BARHL2: variants seen among roughly 807,000 people sequenced by gnomAD.
BARHL2 encodes BarH like homeobox 2.
In BARHL2, 10 loss-of-function variants were observed where a neutral mutation model predicts 27.1. That is an observed-to-expected ratio of 0.37 (90% CI 0.23 to 0.63). The LOEUF (loss-of-function observed/expected upper bound fraction) is 0.63. Ranked by LOEUF, BARHL2 falls within the 20% of genes least tolerant of loss-of-function variation. BARHL2 has a pLI of 0.65. For missense variants in BARHL2, 483 were observed against 533.5 expected (o/e 0.91, Z 0.93); for synonymous variants, 248 against 224.7 (o/e 1.10, Z -0.93).
rs1194316922 is a variant in BARHL2, at chr1:90,716,602, C to T, written c.594G>A (p.Arg198=). Residue 198 remains arginine (R), a synonymous_variant, in exon 1 of 3, where the codon CGG becomes CGA. Coordinates refer to ENST00000370445, the MANE Select transcript of BARHL2 (RefSeq NM_020063.2). ...ATTTGATGTCGCTCTGGGAATCCTCCCGCTTGTCGAGTTTGGTCTTGCTGT... is the reference window on the plus strand; with the variant it reads ...ATTTGATGTCGCTCTGGGAATCCTCTCGCTTGTCGAGTTTGGTCTTGCTGT... ...QEDSKTKLDK[R]EDSQSDIKCH... 1 of 1,614,182 alleles carries T rather than the reference C, an allele frequency of 6.2e-7. No individual in the cohort carries two copies. The highest frequency in any genetic ancestry group is 8.5e-7 in the Non-Finnish European group (1 of 1,180,050).
At chr1:90,716,433 C>A in intron 1 of BARHL2, 138 bp downstream of exon 1, 1 of 879,612 alleles carries the variant, frequency 1.1e-6, no homozygotes, top group South Asian at 1.5e-5. Context: ...CCTTCAGCTG[C>A]AGTCTTTTGA....
rs749212200 is a variant in BARHL2, at chr1:90,712,495, G to A, written c.981C>T (p.Ser327=). ...CAGCGGCAGCCGCCGCCGCCGTAGT[G>A]CTGTCCATGCTGCCCAGCAGGCTTG... ...YHPSLLGSMD[S]TTAAAAAAAM... is the part of the protein sequence containing the mutation. Residue 327 remains serine, a synonymous_variant, in exon 3 of 3, where the codon AGC becomes AGT. Transcript: ENST00000370445. 17 of 1,613,810 alleles carry A rather than the reference G, an allele frequency of 1.1e-5. 1 individual carries two copies. In the South Asian group the frequency reaches 1.2e-4, roughly 11 times the overall value.
intron 2 of BARHL2, 61 bp from the exon 3 acceptor site, chr1:90,712,685 C>T: frequency 6.7e-7 from 1 of 1,482,184 alleles, no homozygotes; most frequent in Non-Finnish European, 9.0e-7. Context: ...GCACCAAGAC[C>T]CGGCCCCTTC....
Position 90,716,956 on chromosome 1 carries a change from G to C in BARHL2, c.240C>G (p.Asp80Glu). Residue 80 changes from aspartate (D) to glutamate (E), a missense_variant, in exon 1 of 3, where the codon GAC (aspartate) becomes GAG (glutamate). Transcript: ENST00000370445. ...MEPPEPHLVA[D>E]ATQHHHHLHH... Reference sequence around the variant, plus strand: ...GGAGGTGGTGATGATGCTGGGTCGCGTCTGCTACCAGATGCGGCTCCGGGG... The same window carrying C: ...GGAGGTGGTGATGATGCTGGGTCGCCTCTGCTACCAGATGCGGCTCCGGGG... 6.2e-7 allele frequency: 1 copy of C among 1,613,242 alleles called. No homozygotes were observed. Among genetic ancestry groups the C allele is most frequent in the Middle Eastern group, 1.7e-4 (1 of 6,058 alleles).
In BARHL2 at chr1:90,712,428, G is replaced by A. The variant is rs757839379; in HGVS notation, c.1048C>T (p.Pro350Ser). 9 of 1,610,534 alleles carry A rather than the reference G, an allele frequency of 5.6e-6. No homozygotes were observed. Among genetic ancestry groups the A allele is most frequent in the South Asian group, 1.1e-5 (1 of 90,520 alleles). ...GGCACCAGGGGCCGCTGCAGCTGGG[G>A]ATGGGGTGCTGGAGGAGTCCGGTAC... ...SMYRTPPAPH[P>S]QLQRPLVPRV... is the part of the protein sequence containing the mutation. The change falls in exon 3 of 3, where the codon CCC becomes TCC. Residue 350 changes from proline (P) to serine (S), a missense_variant. Around this residue, in one of 3 missense-constraint regions of BARHL2, gnomAD observed 130 missense variants for 138.0 expected, o/e 0.94. Coordinates refer to ENST00000370445, the MANE Select transcript of BARHL2 (RefSeq NM_020063.2).
rs1658033114 is a variant in BARHL2, at chr1:90,711,620, G to C, written c.*692C>G. On this transcript the variant is annotated 3_prime_UTR_variant, in exon 3 of 3. Coordinates refer to ENST00000370445, the MANE Select transcript of BARHL2 (RefSeq NM_020063.2). ...TTTTTGTCTAAGCATTTATTTTACT[G>C]AATCGAAAAGACATGAAAAGAAAAA... 1 of 152,060 alleles carries C rather than the reference G, an allele frequency of 6.6e-6. No homozygotes were observed. The highest frequency in any genetic ancestry group is 2.4e-5 in the African/African-American group (1 of 41,400). 9.4% of individuals were successfully genotyped at this position (152,060 alleles called of 1,614,324 possible). A position where few individuals can be genotyped will look rare whatever the true frequency, so the allele number is the denominator to read the frequency against.
intron 2 of BARHL2, among the ~76,000 whole-genome samples, chr1:90,713,411 G>A (rs1359774128): frequency 6.6e-6 from 1 of 152,208 alleles, no homozygotes; most frequent in Admixed American, 6.5e-5. Flanking sequence ...CTGCTAGGAA[G>A]AAGAGAGCGG....
chr1:90,716,129 A>T (rs1570608293), intron 1 of BARHL2, among the ~76,000 whole-genome samples: 1 of 144,664 alleles, frequency 6.9e-6, no homozygotes, highest in Non-Finnish European at 1.5e-5. Flanking sequence ...GGGGGGGGTG[A>T]AATCACTTGT....
rs1009628773 is a variant in BARHL2, at chr1:90,711,716, C to T, written c.*596G>A. 2 of 151,916 alleles carry T rather than the reference C, an allele frequency of 1.3e-5. No individual in the cohort carries two copies. Among genetic ancestry groups the T allele is most frequent in the Admixed American group, 1.3e-4 (2 of 15,250 alleles). The allele number at this position is 151,916 out of a possible 1,614,324, so 9.4% of individuals were successfully genotyped here. A position where few individuals can be genotyped will look rare whatever the true frequency, so the allele number is the denominator to read the frequency against. On this transcript the variant is annotated 3_prime_UTR_variant, in exon 3 of 3. Coordinates refer to ENST00000370445, the MANE Select transcript of BARHL2 (RefSeq NM_020063.2). Reference sequence around the variant, plus strand: ...ATAATAAATATGATATATCACTTATCACTCAGTCTTTCAAATGTACATTTT... The same window carrying T: ...ATAATAAATATGATATATCACTTATTACTCAGTCTTTCAAATGTACATTTT...
At position 90,716,611 on chromosome 1, in the gene BARHL2, G is replaced by T; in HGVS notation, c.585C>A (p.Leu195=). The T allele has an allele frequency of 6.2e-7, 1 of 1,614,210 alleles. No homozygotes were observed. The highest frequency in any genetic ancestry group is 8.5e-7 in the Non-Finnish European group (1 of 1,180,046). Residue 195 remains leucine, a synonymous_variant, in exon 1 of 3, where the codon CTC becomes CTA. Coordinates refer to ENST00000370445, the MANE Select transcript of BARHL2 (RefSeq NM_020063.2). ...KLEQEDSKTK[L]DKREDSQSDI... ...CGCTCTGGGAATCCTCCCGCTTGTC[G>T]AGTTTGGTCTTGCTGTCCTCCTGCT... is the stretch of plus-strand genomic sequence containing the variant.
rs1658047884 is a variant in BARHL2 at position 90,712,263 on chromosome 1, T to A, written c.*49A>T. The A allele has an allele frequency of 1.4e-6, 2 of 1,411,086 alleles. No homozygotes were observed. Among genetic ancestry groups the A allele is most frequent in the East Asian group, 2.6e-5 (1 of 39,198 alleles). 87.4% of individuals were successfully genotyped at this position (1,411,086 alleles called of 1,614,324 possible). ...GGGAGAGGACGGGCAGCAGTCCGGG[T>A]TGGGCAGGGATATGGGGAAGGGATT... On this transcript the variant is annotated 3_prime_UTR_variant, in exon 3 of 3. Coordinates refer to ENST00000370445, the MANE Select transcript of BARHL2 (RefSeq NM_020063.2).
rs1658162303 is a variant in BARHL2 at position 90,716,945 on chromosome 1, T to G, written c.251A>C (p.His84Pro). 6.2e-7 allele frequency: 1 copy of G among 1,612,854 alleles called. No individual in the cohort carries two copies. Among genetic ancestry groups the G allele is most frequent in the Non-Finnish European group, 8.5e-7 (1 of 1,179,660 alleles). Residue 84 changes from histidine to proline, a missense_variant, in exon 1 of 3, where the codon CAT becomes CCT. His to Pro is a moderately conservative substitution (Grantham distance 77). This residue lies in a region of BARHL2 where 304 missense variants were observed against 284.9 expected (regional missense o/e 1.07). Transcript: ENST00000370445. ...EPHLVADATQHHHHLHHSQQP... is the reference protein window; with the variant it reads ...EPHLVADATQPHHHLHHSQQP... ...CTGGCTGTGGTGGAGGTGGTGATGATGCTGGGTCGCGTCTGCTACCAGATG... is the reference window on the plus strand; with the variant it reads ...CTGGCTGTGGTGGAGGTGGTGATGAGGCTGGGTCGCGTCTGCTACCAGATG...
Position 90,717,206 on chromosome 1 carries a change from G to A in BARHL2, c.-11C>T, listed in dbSNP as rs191773358. On this transcript the variant is annotated 5_prime_UTR_variant, in exon 1 of 3. Transcript: ENST00000370445. The stretch of plus-strand genomic sequence containing the variant: ...CCCTTCCATTGTCATTGCTACATGA[G>A]GTCCACGCCACTCCGCCGTTCAGCA... The A allele has an allele frequency of 1.2e-6, 2 of 1,606,762 alleles. No individual in the cohort carries two copies. Among genetic ancestry groups the A allele is most frequent in the African/African-American group, 1.3e-5 (1 of 74,252 alleles).
intron 2 of BARHL2, 21 bp downstream of exon 2, chr1:90,714,510 C>T: frequency 3.1e-6 from 5 of 1,609,622 alleles, no homozygotes; most frequent in Non-Finnish European, 3.4e-6. Flanking sequence ...CACCTTTGCT[C>T]CCCCAAAGTG....
In BARHL2 at chr1:90,714,745, C is replaced by G. The variant is rs1208558465; in HGVS notation, c.637G>C (p.Glu213Gln). The G allele has an allele frequency of 6.2e-7, 1 of 1,610,988 alleles. No homozygotes were observed. ...SDIKCHGTKE[E>Q]GDREITSSRE... Reference sequence around the variant, plus strand: ...CTACTCGTAATCTCCCGGTCTCCTTCCTCCTTTGTCCCTACCATAGAAACC... The same window carrying G: ...CTACTCGTAATCTCCCGGTCTCCTTGCTCCTTTGTCCCTACCATAGAAACC... The change falls in exon 2 of 3, where the codon GAA (glutamate) becomes CAA (glutamine). Residue 213 changes from glutamate to glutamine, a missense_variant. Around this residue, in one of 3 missense-constraint regions of BARHL2, gnomAD observed 49 missense variants for 110.6 expected, o/e 0.44. Coordinates refer to ENST00000370445, the MANE Select transcript of BARHL2 (RefSeq NM_020063.2).
chr1:90,712,366 C>CT lies in BARHL2; in HGVS notation c.1109dup (p.Pro371AlafsTer4). The CT allele has an allele frequency of 6.5e-7, 1 of 1,550,356 alleles. No homozygotes were observed. The highest frequency in any genetic ancestry group is 8.7e-7 in the Non-Finnish European group (1 of 1,143,970). Reference sequence around the variant, plus strand: ...GGCTGGACAATGGATTAAGGGCTGGCTGTCCCCCAGGCCCTAGGCCGTGGA... The same window carrying CT: ...GGCTGGACAATGGATTAAGGGCTGGCTTGTCCCCCAGGCCCTAGGCCGTGGA... On this transcript the variant is annotated frameshift_variant, in exon 3 of 3. Transcript: ENST00000370445. LOFTEE classifies it high-confidence loss of function.
intron 2 of BARHL2, 116 bp downstream of exon 2, chr1:90,714,415 C>T (rs2100641272): frequency 9.6e-7 from 1 of 1,042,512 alleles, no homozygotes; most frequent in South Asian, 1.4e-5. Flanking sequence ...CAAGTGCCCA[C>T]TCCAGGGTCA....
At position 90,717,067 on chromosome 1, in the gene BARHL2, A is replaced by G. The variant is rs761512663; in HGVS notation, c.129T>C (p.Phe43=). Residue 43 remains phenylalanine, a synonymous_variant, in exon 1 of 3, where the codon TTT becomes TTC. Transcript: ENST00000370445. ...AGGGAGATGGGGTGGCCTGACTCCT[A>G]AAATCCGCGGTCCTGGCCTCACCGA... ...RPLGEARTAD[F]RSQATPSPCS... is the part of the protein sequence containing the mutation. The G allele has an allele frequency of 6.2e-7, 1 of 1,614,046 alleles. No homozygotes were observed.
At chr1:90,716,120 G>GA (rs978616960) in intron 1 of BARHL2, among the ~76,000 whole-genome samples, 1 of 148,854 alleles carries the variant, frequency 6.7e-6, no homozygotes, top group African/African-American at 2.5e-5. Context: ...ATAAAGTGGG[G>GA]GGGGGGTGAA....
Sources: gnomAD v4.1 joint callset for allele counts (sites outside exome capture counted in the v4.1 genomes callset) on GRCh38, gnomAD v4.1.1 for gene constraint, gnomAD v4.1.1 regional missense constraint, MANE v1.5 for transcripts, NCBI Gene and HGNC (gene_info 2026-07-23, HGNC 2026-07-21) for gene names.